Variants in EEF1A2 observed in about 807,000 individuals in gnomAD.
EEF1A2 encodes the protein elongation factor 1-alpha 2.
A neutral mutation model predicts 39.3 loss-of-function variants in EEF1A2; 5 were observed. The ratio of observed to expected loss-of-function variants is 0.13; its 90% CI spans 0.07 to 0.27. The LOEUF (loss-of-function observed/expected upper bound fraction) is 0.27, where lower values mean the gene tolerates loss of function less well. Among genes scored for constraint, EEF1A2 ranks in the 10% least tolerant of loss-of-function variants. EEF1A2 has a pLI of 1.00. For missense variants in EEF1A2, 218 were observed against 681.4 expected (o/e 0.32, Z 7.57); for synonymous variants, 287 against 293.7 (o/e 0.98, Z 0.23).
At chr20:63,495,324 C>A (rs1600908068) in intron 3 of EEF1A2, among the ~76,000 whole-genome samples, 2 of 152,248 alleles carry the variant, frequency 1.3e-5, no homozygotes, top group Non-Finnish European at 2.9e-5. Context: ...CCTGGCTCCA[C>A]CACCAGTGGG....
chr20:63,490,584 G>A lies in EEF1A2; in HGVS notation c.924C>T (p.Val308=), dbSNP rs779912733. 41 of 1,612,676 alleles carry A rather than the reference G, an allele frequency of 2.5e-5. 1 individual carries two copies. The highest frequency in any genetic ancestry group is 1.8e-4 in the East Asian group (8 of 44,884). ...ALSEALPGDN[V]GFNVKNVSVK... ...CCGACACGTTCTTCACATTGAAGCC[G>A]ACGTTGTCGCCGGGCAGAGCTTCGC... The change falls in exon 6 of 8, where the codon GTC becomes GTT. Residue 308 remains valine (V), a synonymous_variant. Coordinates refer to ENST00000217182, the MANE Select transcript of EEF1A2 (RefSeq NM_001958.5).
At chr20:63,493,717 C>T (rs1225996064) in intron 4 of EEF1A2, among the ~76,000 whole-genome samples, 1 of 152,226 alleles carries the variant, frequency 6.6e-6, no homozygotes, top group African/African-American at 2.4e-5. Flanking sequence ...TTCTGGACAC[C>T]GTGCTGCCTC....
At chr20:63,489,374 G>T (rs1349041324) in intron 6 of EEF1A2, among the ~76,000 whole-genome samples, 3 of 152,326 alleles carry the variant, frequency 2.0e-5, no homozygotes, top group Admixed American at 2.0e-4. Flanking sequence ...TTGTTTCGAA[G>T]GGGCAGGGGC....
chr20:63,488,454 G>A, intron 7 of EEF1A2, 29 bp from the exon 8 acceptor site: 14 of 1,401,450 alleles, frequency 1.0e-5, no homozygotes, highest in Non-Finnish European at 1.3e-5. Context: ...CGTGTGGGCG[G>A]GGCCGGAGGA....
intron 5 of EEF1A2, among the ~76,000 whole-genome samples, chr20:63,492,100 G>A (rs959430867): frequency 1.5e-5 from 2 of 136,200 alleles, no homozygotes; most frequent in African/African-American, 5.6e-5. Flanking sequence ...ATGGGTGGAT[G>A]GGGAGATGGA....
At position 63,490,750 on chromosome 20, in the gene EEF1A2, G is replaced by A. The variant is rs780584279; in HGVS notation, c.773-15C>T. 11 of 1,584,056 alleles carry A rather than the reference G, an allele frequency of 6.9e-6. No individual in the cohort carries two copies. Among genetic ancestry groups the A allele is most frequent in the African/African-American group, 2.7e-5 (2 of 74,636 alleles). On this transcript the variant is annotated splice_polypyrimidine_tract_variant and intron_variant, in intron 5 of 7. Coordinates refer to ENST00000217182, the MANE Select transcript of EEF1A2 (RefSeq NM_001958.5). Reference sequence around the variant, plus strand: ...CGTGCCAATGCCTGCAGAGGGGAGGGGGTGTGAGGGGAAGGTGGGGCCCGA... The same window carrying A: ...CGTGCCAATGCCTGCAGAGGGGAGGAGGTGTGAGGGGAAGGTGGGGCCCGA...
intron 4 of EEF1A2, among the ~76,000 whole-genome samples, chr20:63,494,289 G>A (rs981571312): frequency 2.0e-5 from 3 of 152,230 alleles, no homozygotes; most frequent in East Asian, 1.9e-4. Flanking sequence ...CTGTTCGCAC[G>A]TTGAGCTCCC....
chr20:63,488,883 T>C (rs780202593), intron 7 of EEF1A2, 35 bp downstream of exon 7: 11 of 1,601,110 alleles, frequency 6.9e-6, no homozygotes, highest in Admixed American at 1.7e-5. Context: ...AGCCACAGCC[T>C]GGGGGCTGCA....
intron 2 of EEF1A2, 165 bp from the exon 3 acceptor site, chr20:63,496,200 AC>A: frequency 1.2e-6 from 1 of 803,554 alleles, no homozygotes; most frequent in Non-Finnish European, 1.9e-6. Context: ...CTCCGTCGGG[AC>A]CCCACACCCA....
At chr20:63,492,743 TTGATGGACAGAA>T (rs2082395806) in intron 5 of EEF1A2, among the ~76,000 whole-genome samples, 1 of 125,300 alleles carries the variant, frequency 8.0e-6, no homozygotes, top group African/African-American at 3.2e-5. Flanking sequence ...GATGGATGGA[TTGATGGACAGAA>T]GGATGGATGG....
Position 63,497,858 on chromosome 20 carries a change from A to G in EEF1A2, c.-71-24T>C. 6.6e-7 allele frequency: 1 copy of G among 1,504,218 alleles called. No homozygotes were observed. The highest frequency in any genetic ancestry group is 9.0e-7 in the Non-Finnish European group (1 of 1,115,632). The allele number at this position is 1,504,218 out of a possible 1,614,324, so 93.2% of individuals were successfully genotyped here. On this transcript the variant is annotated intron_variant, in intron 1 of 7. Coordinates refer to ENST00000217182, the MANE Select transcript of EEF1A2 (RefSeq NM_001958.5). The surrounding 1 kb of genome is among the most constrained non-coding windows in gnomAD (Gnocchi z 7.3). ...TTCTGTGGGGCCAGTGGTGGTGGGGAGACCGGTGATGGGGAGCCCCAGGGG... is the reference window on the plus strand; with the variant it reads ...TTCTGTGGGGCCAGTGGTGGTGGGGGGACCGGTGATGGGGAGCCCCAGGGG...
At chr20:63,488,853 C>G (rs933383830) in intron 7 of EEF1A2, 65 bp downstream of exon 7, 8 of 1,557,182 alleles carry the variant, frequency 5.1e-6, no homozygotes, top group Non-Finnish European at 7.0e-6. Flanking sequence ...CCCCGCAGTC[C>G]TCTGCCCTCA....
intron 5 of EEF1A2, among the ~76,000 whole-genome samples, chr20:63,491,372 G>A (rs1436633535): frequency 6.6e-6 from 1 of 152,216 alleles, no homozygotes; most frequent in Non-Finnish European, 1.5e-5. Context: ...GCCACATGGG[G>A]GTCTTGTCCC....
intron 3 of EEF1A2, 101 bp from the exon 4 acceptor site, chr20:63,495,202 T>G (rs950614900): frequency 9.3e-6 from 14 of 1,503,270 alleles, no homozygotes; most frequent in Non-Finnish European, 1.2e-5. Context: ...GGCAGCGGGC[T>G]GGGGCCTGAG....
intron 2 of EEF1A2, chr20:63,496,921 C>A (rs1300572167): frequency 6.6e-6 from 1 of 152,604 alleles, no homozygotes; most frequent in African/African-American, 2.4e-5. Context: ...CGAGTGCCCC[C>A]ACCTTGGGCC....
intron 4 of EEF1A2, among the ~76,000 whole-genome samples, chr20:63,493,878 C>T (rs770195021): frequency 2.0e-5 from 3 of 152,260 alleles, no homozygotes; most frequent in Non-Finnish European, 2.9e-5. Flanking sequence ...TGTGTAAGCA[C>T]GAGCCACCTA....
At position 63,497,904 on chromosome 20, in the gene EEF1A2, C is replaced by T; in HGVS notation, c.-71-70G>A. On this transcript the variant is annotated intron_variant, in intron 1 of 7. Coordinates refer to ENST00000217182, the MANE Select transcript of EEF1A2 (RefSeq NM_001958.5). This position sits in a 1 kb window ranked among gnomAD's most constrained non-coding sequence, Gnocchi z 7.3. ...AGGGGGAGACACCAGCAGAGACTGT[C>T]CTGGCACAGGCTGGACAGGCATCCC... 8.4e-7 allele frequency: 1 copy of T among 1,191,408 alleles called. No individual in the cohort carries two copies. The highest frequency in any genetic ancestry group is 1.2e-6 in the Non-Finnish European group (1 of 860,990). 73.8% of individuals were successfully genotyped at this position (1,191,408 alleles called of 1,614,324 possible). A position where few individuals can be genotyped will look rare whatever the true frequency, so the allele number is the denominator to read the frequency against.
chr20:63,496,230 C>T (rs949679785), intron 2 of EEF1A2, 195 bp from the exon 3 acceptor site: 14 of 650,816 alleles, frequency 2.2e-5, no homozygotes, highest in South Asian at 1.4e-4. Flanking sequence ...CCCCCAGGGC[C>T]GGCCTCCGCA....
intron 2 of EEF1A2, chr20:63,496,465 G>GTT (rs1020055621): frequency 2.4e-5 from 4 of 167,506 alleles, no homozygotes; most frequent in Non-Finnish European, 5.2e-5. Flanking sequence ...GTGTGTGTGT[G>GTT]TTTTTTTAAG....
Sources: gnomAD v4.1 joint callset for allele counts (sites outside exome capture counted in the v4.1 genomes callset) on GRCh38, gnomAD v4.1.1 for gene constraint, Gnocchi (gnomAD v3.1) non-coding constraint, MANE v1.5 for transcripts, NCBI Gene and HGNC (gene_info 2026-07-23, HGNC 2026-07-21) for gene names.